KIAA1217: variants seen among roughly 807,000 people sequenced by gnomAD.
KIAA1217 encodes KIAA1217.
In KIAA1217, 88 loss-of-function variants were observed where a neutral mutation model predicts 163.9. That is an observed-to-expected ratio of 0.54 (90% CI 0.45 to 0.64). The LOEUF (loss-of-function observed/expected upper bound fraction) is 0.64. Among genes scored for constraint, KIAA1217 ranks in the 30% least tolerant of loss-of-function variants. The pLI is 0.00. For missense variants in KIAA1217, 2,372 were observed against 2,475.0 expected (o/e 0.96, Z 0.88); for synonymous variants, 903 against 923.1 (o/e 0.98, Z 0.39).
chr10:24,455,919 C>A (rs1481324866), intron 5 of KIAA1217, among the ~76,000 whole-genome samples: 1 of 152,168 alleles, frequency 6.6e-6, no homozygotes, highest in African/African-American at 2.4e-5. Flanking sequence ...ACACGAGTCT[C>A]CCTCTGTTGC....
At chr10:24,158,998 G>T (rs537541177) in intron 2 of KIAA1217, among the ~76,000 whole-genome samples, 25 of 152,254 alleles carry the variant, frequency 1.6e-4, no homozygotes, top group Non-Finnish European at 2.5e-4. Flanking sequence ...AAAAATCCCT[G>T]TAAATAGAAT....
intron 2 of KIAA1217, among the ~76,000 whole-genome samples, chr10:24,112,290 T>G (rs1371471551): frequency 6.6e-6 from 1 of 152,202 alleles, no homozygotes; most frequent in Non-Finnish European, 1.5e-5. Context: ...TACCTCTAAG[T>G]CTTTCTAACT....
chr10:24,362,294 G>A (rs182596268), intron 2 of KIAA1217, among the ~76,000 whole-genome samples: 1 of 152,272 alleles, frequency 6.6e-6, no homozygotes, highest in Admixed American at 6.5e-5. Flanking sequence ...TTCCAAAGCA[G>A]AAGACAGTAG....
rs1478728093 is a variant in KIAA1217 at position 23,984,702 on chromosome 10, A to C, written c.-320-22523A>C. Among the ~76,000 whole-genome samples the C allele has an allele frequency of 3.3e-5, 5 of 151,118 alleles. No individual in the cohort carries two copies. The East Asian group carries it at 9.8e-4, about 30-fold the overall frequency. ...CCACATGTTCTCACTCATAAGTGGG[A>C]GTTGAACATTGAGAACACATGGACA... On this transcript the variant is annotated intron_variant, in intron 1 of 18. Transcript: ENST00000376462.
chr10:24,010,416 C>A (rs1474712219), intron 2 of KIAA1217, among the ~76,000 whole-genome samples: 1 of 151,860 alleles, frequency 6.6e-6, no homozygotes, highest in African/African-American at 2.4e-5. Context: ...CCATCTCTTC[C>A]TGCTGTTTTA....
chr10:24,271,338 C>T (rs1408893311), intron 2 of KIAA1217, among the ~76,000 whole-genome samples: 3 of 151,998 alleles, frequency 2.0e-5, no homozygotes, highest in East Asian at 3.9e-4. Flanking sequence ...TTGAAAAAAC[C>T]TCACAATATA....
chr10:24,143,457 G>C (rs960968589), intron 2 of KIAA1217, among the ~76,000 whole-genome samples: 1 of 151,996 alleles, frequency 6.6e-6, no homozygotes, highest in East Asian at 1.9e-4. Flanking sequence ...AGTAGAGATG[G>C]GGTTTCACCA....
At chr10:23,983,379 G>A (rs543252954) in intron 1 of KIAA1217, among the ~76,000 whole-genome samples, 3 of 152,292 alleles carry the variant, frequency 2.0e-5, no homozygotes, top group South Asian at 4.1e-4. Context: ...TGATTCTGCA[G>A]GCTATACAGG....
At chr10:23,854,395 C>G (rs1303272421) in intron 1 of KIAA1217, among the ~76,000 whole-genome samples, 8 of 152,098 alleles carry the variant, frequency 5.3e-5, no homozygotes, top group Non-Finnish European at 1.2e-4. Context: ...GTTATAATTT[C>G]TGTTCTTTTA....
At position 24,265,904 on chromosome 10, in the gene KIAA1217, G is replaced by A. The variant is rs118089472; in HGVS notation, c.354+45995G>A. ...GGGATGAGGAGTCAGCGAAGTCTGA[G>A]TAAGTAAATTCAGAGAGAAACAAAA... On this transcript the variant is annotated intron_variant, in intron 2 of 20. Coordinates refer to ENST00000376454, the MANE Select transcript of KIAA1217 (RefSeq NM_019590.5). Among the ~76,000 whole-genome samples the A allele has an allele frequency of 5.7e-3, 861 of 152,220 alleles. 9 individuals are homozygous for A. The South Asian group carries it at 0.07, about 12-fold the overall frequency.
chr10:24,093,854 T>C (rs1411507813), intron 2 of KIAA1217, among the ~76,000 whole-genome samples: 1 of 134,254 alleles, frequency 7.4e-6, no homozygotes, highest in Non-Finnish European at 1.5e-5. Flanking sequence ...CCTGTGTCCA[T>C]GTGTTCTCAT....
chr10:24,398,769 C>T lies in KIAA1217; in HGVS notation c.553+17702C>T, dbSNP rs754277712. ...TGTTTACTGCAGTTGTACACATGCCCACCTGAGGCATTCTTCCCTTTTCCA... is the reference window on the plus strand; with the variant it reads ...TGTTTACTGCAGTTGTACACATGCCTACCTGAGGCATTCTTCCCTTTTCCA... On this transcript the variant is annotated intron_variant, in intron 3 of 20. Coordinates refer to ENST00000376454, the MANE Select transcript of KIAA1217 (RefSeq NM_019590.5). Among the ~76,000 whole-genome samples the T allele has an allele frequency of 3.9e-5, 6 of 152,228 alleles. No homozygotes were observed. In the South Asian group the frequency reaches 1.2e-3, roughly 32 times the overall value.
intron 3 of KIAA1217, among the ~76,000 whole-genome samples, chr10:24,382,844 CT>C (rs1161576107): frequency 0.055 from 2,458 of 44,362 alleles, 71 homozygotes; most frequent in African/African-American, 0.34. Flanking sequence ...TTTTTCTTTT[CT>C]TTTTTTTTTT....
At chr10:23,790,542 TGCATATATAC>T (rs1835841006) in intron 1 of KIAA1217, among the ~76,000 whole-genome samples, 1 of 91,690 alleles carries the variant, frequency 1.1e-5, no homozygotes, top group Admixed American at 1.1e-4. Context: ...CATATACATG[TGCATATATAC>T]ATATGTACAT....
At chr10:24,355,219 T>G (rs1462646550) in intron 2 of KIAA1217, among the ~76,000 whole-genome samples, 4 of 152,192 alleles carry the variant, frequency 2.6e-5, no homozygotes. Flanking sequence ...CTTCAGCCCC[T>G]CAGGATAGCA....
At chr10:24,155,689 G>A (rs985003457) in intron 2 of KIAA1217, among the ~76,000 whole-genome samples, 3 of 152,044 alleles carry the variant, frequency 2.0e-5, no homozygotes, top group Non-Finnish European at 4.4e-5. Context: ...GGGCTCAGTG[G>A]CGGGCACCTG....
intron 2 of KIAA1217, among the ~76,000 whole-genome samples, chr10:24,111,722 C>T (rs899352189): frequency 1.3e-5 from 2 of 152,026 alleles, no homozygotes; most frequent in African/African-American, 4.8e-5. Flanking sequence ...ATTTTTGCAG[C>T]AAAAATTTCA....
At chr10:24,026,894 A>G (rs1589252785) in intron 2 of KIAA1217, among the ~76,000 whole-genome samples, 1 of 151,892 alleles carries the variant, frequency 6.6e-6, no homozygotes, top group East Asian at 1.9e-4. Context: ...ATAATATCAT[A>G]TAATGCTATA....
chr10:24,444,853 T>C (rs1021545750), intron 5 of KIAA1217, among the ~76,000 whole-genome samples: 1 of 152,166 alleles, frequency 6.6e-6, no homozygotes, highest in African/African-American at 2.4e-5. Context: ...GTACAGGCAT[T>C]TGTGGCGTGT....
Sources: gnomAD v4.1 joint callset for allele counts (sites outside exome capture counted in the v4.1 genomes callset) on GRCh38, gnomAD v4.1.1 for gene constraint, MANE v1.5 for transcripts, NCBI Gene and HGNC (gene_info 2026-07-23, HGNC 2026-07-21) for gene names.